PPP1R9A: variants seen among roughly 807,000 people sequenced by gnomAD.
PPP1R9A encodes the protein neurabin-1.
In PPP1R9A, 59 loss-of-function variants were observed where a neutral mutation model predicts 141.9. The ratio of observed to expected loss-of-function variants is 0.42; its 90% CI spans 0.34 to 0.52. The LOEUF (loss-of-function observed/expected upper bound fraction) is 0.52. Ranked by LOEUF, PPP1R9A falls within the 20% of genes least tolerant of loss-of-function variation. The probability of loss-of-function intolerance (pLI) is 0.10; values close to 1 mark genes in which losing one functional copy is unlikely to be tolerated. For synonymous variants in PPP1R9A, 500 were observed against 569.7 expected, an observed-to-expected ratio of 0.88 and a Z score of 1.74; for missense variants, 1,444 against 1,611.9, an observed-to-expected ratio of 0.90 and a Z score of 1.78.
chr7:95,205,363 G>A (rs977849758), intron 7 of PPP1R9A, among the ~76,000 whole-genome samples: 1 of 152,154 alleles, frequency 6.6e-6, no homozygotes, highest in Non-Finnish European at 1.5e-5. Context: ...TTCTCTGAAA[G>A]TGTAGACTTT....
At position 95,127,748 on chromosome 7, in the gene PPP1R9A, T is replaced by C. The variant is rs1584836842; in HGVS notation, c.1649+6916T>C. 2.0e-5 allele frequency among the ~76,000 whole-genome samples: 3 copies of C among 152,270 alleles called. No homozygotes were observed. In the East Asian group the frequency reaches 5.8e-4, roughly 29 times the overall value. Reference sequence around the variant, plus strand: ...TGATTACCCAGGATTTAGCTCCCACTTATAAGTGAGAATATGCAGTATTTG... The same window carrying C: ...TGATTACCCAGGATTTAGCTCCCACCTATAAGTGAGAATATGCAGTATTTG... On this transcript the variant is annotated intron_variant, in intron 4 of 19. Coordinates refer to ENST00000433360, the MANE Select transcript of PPP1R9A (RefSeq NM_001166160.2).
intron 4 of PPP1R9A, among the ~76,000 whole-genome samples, chr7:95,128,640 G>A (rs1226308819): frequency 1.3e-5 from 2 of 152,052 alleles, no homozygotes; most frequent in African/African-American, 2.4e-5. Context: ...GCAATGGTGC[G>A]ATCTTGGCTC....
intron 5 of PPP1R9A, among the ~76,000 whole-genome samples, chr7:95,176,209 C>T (rs1226715633): frequency 2.0e-5 from 3 of 152,062 alleles, no homozygotes; most frequent in Non-Finnish European, 2.9e-5. Flanking sequence ...AGTACCAGCC[C>T]GGAGCCTGGT....
rs986246922 is a variant in PPP1R9A, at chr7:94,960,917, G to A, written c.1395+49409G>A. On this transcript the variant is annotated intron_variant, in intron 2 of 19. Transcript: ENST00000433360. ...CCCTGCAGATGTATTTAATAGAAAAGCAAAGTTCCAATGTGCTTTCTAAAT... is the reference window on the plus strand; with the variant it reads ...CCCTGCAGATGTATTTAATAGAAAAACAAAGTTCCAATGTGCTTTCTAAAT... Among the ~76,000 whole-genome samples, 4 of 151,600 alleles carry A rather than the reference G, an allele frequency of 2.6e-5. 1 individual carries two copies. Among genetic ancestry groups the A allele is most frequent in the Non-Finnish European group, 4.4e-5 (3 of 67,698 alleles).
intron 6 of PPP1R9A, among the ~76,000 whole-genome samples, chr7:95,198,989 G>A (rs1184642938): frequency 2.0e-5 from 3 of 152,178 alleles, no homozygotes; most frequent in Non-Finnish European, 4.4e-5. Context: ...CTTTGGATCT[G>A]CTTACTATGA....
chr7:95,026,146 G>A (rs929135552), intron 2 of PPP1R9A, among the ~76,000 whole-genome samples: 4 of 152,150 alleles, frequency 2.6e-5, no homozygotes, highest in Non-Finnish European at 4.4e-5. Context: ...TCCTTTGGAG[G>A]AAGAGGCTTT....
chr7:95,216,532 A>G (rs2152929550), intron 7 of PPP1R9A, among the ~76,000 whole-genome samples: 1 of 152,294 alleles, frequency 6.6e-6, no homozygotes, highest in South Asian at 2.1e-4. Flanking sequence ...TGGGGATGGC[A>G]TTGAATCTAT....
chr7:95,164,765 G>T (rs888445217), intron 5 of PPP1R9A, among the ~76,000 whole-genome samples: 1 of 113,002 alleles, frequency 8.8e-6, no homozygotes, highest in African/African-American at 3.3e-5. Context: ...TTTTTTTCAG[G>T]CATGGCCTAT....
intron 6 of PPP1R9A, among the ~76,000 whole-genome samples, chr7:95,201,671 G>A (rs750017677): frequency 2.6e-5 from 4 of 152,118 alleles, no homozygotes; most frequent in Non-Finnish European, 5.9e-5. Flanking sequence ...ATAGCTAATG[G>A]ATAAATGCTC....
At chr7:95,042,895 T>C (rs1288301468) in intron 2 of PPP1R9A, among the ~76,000 whole-genome samples, 5 of 150,354 alleles carry the variant, frequency 3.3e-5, no homozygotes, top group Non-Finnish European at 3.0e-5. Context: ...ATTTTTCTGG[T>C]ACATCTAAAA....
chr7:95,234,679 A>C (rs954760501), intron 8 of PPP1R9A, among the ~76,000 whole-genome samples: 3 of 152,138 alleles, frequency 2.0e-5, no homozygotes, highest in Non-Finnish European at 1.5e-5. Flanking sequence ...TCAGGACTAA[A>C]ATTCATATGG....
At chr7:95,150,698 A>G (rs1584960727) in intron 4 of PPP1R9A, among the ~76,000 whole-genome samples, 1 of 152,240 alleles carries the variant, frequency 6.6e-6, no homozygotes, top group African/African-American at 2.4e-5. Context: ...GTGTTTTGTG[A>G]TAAGTAGTGT....
chr7:95,274,090 C>A lies in PPP1R9A; in HGVS notation c.3218C>A (p.Pro1073His), dbSNP rs1802712210. ...IKRKFVDLGA[P>H]LRRNSSKGKK... Reference sequence around the variant, plus strand: ...ACTGCTTACTATCATTACAGGGCGCCTTTGCGAAGGAATTCCAGCAAGGGA... The same window carrying A: ...ACTGCTTACTATCATTACAGGGCGCATTTGCGAAGGAATTCCAGCAAGGGA... Residue 1073 changes from proline (P) to histidine (H), a missense_variant, in exon 16 of 20, where the codon CCT becomes CAT. Pro to His is a moderately conservative substitution (Grantham distance 77). This residue lies in a region of PPP1R9A where 459 missense variants were observed against 513.8 expected (regional missense o/e 0.89). Transcript: ENST00000433360. 1.3e-6 allele frequency: 2 copies of A among 1,578,376 alleles called. No homozygotes were observed. Among genetic ancestry groups the A allele is most frequent in the Non-Finnish European group, 1.7e-6 (2 of 1,166,528 alleles).
intron 4 of PPP1R9A, among the ~76,000 whole-genome samples, chr7:95,146,170 C>T (rs777975222): frequency 3.9e-5 from 6 of 152,118 alleles, no homozygotes; most frequent in South Asian, 4.2e-4. Context: ...TGTTGTTTCC[C>T]GACTTTTTAA....
intron 5 of PPP1R9A, among the ~76,000 whole-genome samples, chr7:95,169,827 A>G (rs1214702629): frequency 6.6e-6 from 1 of 151,930 alleles, no homozygotes; most frequent in Admixed American, 6.6e-5. Flanking sequence ...ATTACAAAAA[A>G]TATCTTTATA....
At position 95,292,074 on chromosome 7, in the gene PPP1R9A, A is replaced by G. The variant is rs1283239730; in HGVS notation, c.*1771A>G. On this transcript the variant is annotated 3_prime_UTR_variant, in exon 20 of 20. Coordinates refer to ENST00000433360, the MANE Select transcript of PPP1R9A (RefSeq NM_001166160.2). Reference sequence around the variant, plus strand: ...TCATTAGGTACAGACCCTTCATTCAATCCTCAGAAACGTTGACATGAAGTA... The same window carrying G: ...TCATTAGGTACAGACCCTTCATTCAGTCCTCAGAAACGTTGACATGAAGTA... 6.6e-6 allele frequency: 1 copy of G among 152,140 alleles called. No individual in the cohort carries two copies. The highest frequency in any genetic ancestry group is 1.5e-5 in the Non-Finnish European group (1 of 68,006). 9.4% of individuals were successfully genotyped at this position (152,140 alleles called of 1,614,324 possible).
chr7:95,002,471 A>G (rs895833745), intron 2 of PPP1R9A, among the ~76,000 whole-genome samples: 2 of 152,170 alleles, frequency 1.3e-5, no homozygotes, highest in African/African-American at 4.8e-5. Flanking sequence ...GACCTGAGAA[A>G]GGTGCTTGGT....
intron 2 of PPP1R9A, among the ~76,000 whole-genome samples, chr7:95,016,959 G>A (rs1425896753): frequency 1.3e-5 from 2 of 152,106 alleles, no homozygotes; most frequent in African/African-American, 4.8e-5. Context: ...CTGATTTAGG[G>A]TGGGTCCTAA....
chr7:94,958,926 G>T (rs994922083), intron 2 of PPP1R9A, among the ~76,000 whole-genome samples: 3 of 151,940 alleles, frequency 2.0e-5, no homozygotes, highest in African/African-American at 7.2e-5. Flanking sequence ...TGATTTCAAA[G>T]TTTGGAGAAT....
Sources: allele counts gnomAD v4.1 joint callset (sites outside exome capture counted in the v4.1 genomes callset), GRCh38; gene constraint gnomAD v4.1.1; regional missense constraint gnomAD v4.1.1; transcripts MANE v1.5; gene names NCBI Gene and HGNC (gene_info 2026-07-23, HGNC 2026-07-21).